The following EEF2K variants were observed in gnomAD, a reference collection of about 807,000 sequenced individuals.
The protein encoded by EEF2K is eukaryotic elongation factor 2 kinase.
EEF2K carries 70 observed loss-of-function variants against 93.8 expected under a neutral mutation model. That is an observed-to-expected ratio of 0.75 (90% CI 0.62 to 0.91). EEF2K has a LOEUF of 0.91. Among genes scored for constraint, EEF2K ranks in the 40% least tolerant of loss-of-function variants. The pLI is 0.00. For missense variants in EEF2K, 935 were observed against 972.9 expected (o/e 0.96, Z 0.52); for synonymous variants, 376 against 380.8 (o/e 0.99, Z 0.15).
At chr16:22,267,892 G>A (rs1440047053) in intron 15 of EEF2K, among the ~76,000 whole-genome samples, 1 of 152,180 alleles carries the variant, frequency 6.6e-6, no homozygotes, top group Non-Finnish European at 1.5e-5. Flanking sequence ...CAAGGCCCAG[G>A]CAAAGTGATC....
chr16:22,250,793 G>T (rs187237620), intron 5 of EEF2K, 102 bp downstream of exon 5: 2 of 1,475,804 alleles, frequency 1.4e-6, no homozygotes, highest in Non-Finnish European at 9.3e-7. Flanking sequence ...GGAGCCAGGG[G>T]CCTCTGCCTT....
At chr16:22,230,253 G>A (rs904987639) in intron 2 of EEF2K, among the ~76,000 whole-genome samples, 17 of 151,136 alleles carry the variant, frequency 1.1e-4, no homozygotes, top group South Asian at 2.1e-4. Flanking sequence ...TCACTCTGTC[G>A]CCCAGGCTGG....
chr16:22,220,934 G>C (rs1429476227), intron 1 of EEF2K, among the ~76,000 whole-genome samples: 1 of 152,222 alleles, frequency 6.6e-6, no homozygotes, highest in Non-Finnish European at 1.5e-5. Context: ...CCAGGGCAGA[G>C]TAGGCGCTGG....
chr16:22,262,424 C>G (rs559848114), intron 11 of EEF2K, among the ~76,000 whole-genome samples: 1 of 151,936 alleles, frequency 6.6e-6, no homozygotes, highest in South Asian at 2.1e-4. Context: ...ACAGGACAAT[C>G]ACTTCAGCTC....
chr16:22,247,766 T>C (rs1372821846), intron 3 of EEF2K, among the ~76,000 whole-genome samples: 1 of 152,196 alleles, frequency 6.6e-6, no homozygotes, highest in Admixed American at 6.5e-5. Flanking sequence ...ATAAAACTGG[T>C]TGTCCATGAC....
Position 22,266,692 on chromosome 16 carries a change from A to G in EEF2K, c.1580A>G (p.His527Arg), listed in dbSNP as rs1489602240. Residue 527 changes from histidine to arginine, a missense_variant, in exon 15 of 18, where the codon CAT (histidine) becomes CGT (arginine). Coordinates refer to ENST00000263026, the MANE Select transcript of EEF2K (RefSeq NM_013302.5). ...ACACCGTAGTCTGTGTGGCAGGTCCATCTGGCCATGGTGCGCTACCACGAG... is the reference window on the plus strand; with the variant it reads ...ACACCGTAGTCTGTGTGGCAGGTCCGTCTGGCCATGGTGCGCTACCACGAG... Reference protein sequence around the residue: ...KIGKSILGKVHLAMVRYHEGG... With the variant: ...KIGKSILGKVRLAMVRYHEGG... 3.1e-6 allele frequency: 5 copies of G among 1,607,240 alleles called. No homozygotes were observed. The highest frequency in any genetic ancestry group is 2.2e-5 in the East Asian group (1 of 44,828).
chr16:22,256,358 A>C (rs961271565), intron 6 of EEF2K, among the ~76,000 whole-genome samples: 19 of 152,082 alleles, frequency 1.2e-4, no homozygotes, highest in South Asian at 6.2e-4. Flanking sequence ...TTGGCCTCCC[A>C]AAGGGCTGGG....
chr16:22,219,516 C>A (rs1196620291), intron 1 of EEF2K, among the ~76,000 whole-genome samples: 4 of 152,126 alleles, frequency 2.6e-5, no homozygotes, highest in Non-Finnish European at 5.9e-5. Context: ...GTAGTCCCAG[C>A]TACTCAGGAG....
chr16:22,272,008 T>A (rs1019314429), intron 15 of EEF2K, among the ~76,000 whole-genome samples: 5 of 152,244 alleles, frequency 3.3e-5, no homozygotes, highest in Admixed American at 1.3e-4. Context: ...TTTGCTGTAC[T>A]CGTCACAATA....
At chr16:22,236,302 G>A (rs563514382) in intron 2 of EEF2K, among the ~76,000 whole-genome samples, 5 of 151,724 alleles carry the variant, frequency 3.3e-5, no homozygotes, top group Non-Finnish European at 7.4e-5. Context: ...TGCTCTGCAG[G>A]AGGGGAGAGT....
intron 1 of EEF2K, among the ~76,000 whole-genome samples, chr16:22,211,490 T>A (rs1410028640): frequency 2.0e-5 from 3 of 152,260 alleles, no homozygotes; most frequent in African/African-American, 7.2e-5. Context: ...GATAGAGTCT[T>A]GCCCTGCTGC....
At chr16:22,225,566 G>T in intron 1 of EEF2K, 88 bp from the exon 2 acceptor site, 1 of 1,090,674 alleles carries the variant, frequency 9.2e-7, no homozygotes. Flanking sequence ...CAGCTCCTGC[G>T]ATAGCCTGCA....
chr16:22,268,785 A>G (rs1007616154), intron 15 of EEF2K, among the ~76,000 whole-genome samples: 4 of 151,860 alleles, frequency 2.6e-5, no homozygotes, highest in Non-Finnish European at 5.9e-5. Context: ...GCAAAACCCT[A>G]TCTCTACCAA....
At chr16:22,269,976 G>C (rs1302125455) in intron 15 of EEF2K, among the ~76,000 whole-genome samples, 2 of 143,140 alleles carry the variant, frequency 1.4e-5, no homozygotes, top group Non-Finnish European at 3.0e-5. Context: ...TTTTTAATTT[G>C]AGACAGAATC....
chr16:22,247,268 C>T (rs1382290300), intron 3 of EEF2K, among the ~76,000 whole-genome samples: 1 of 151,268 alleles, frequency 6.6e-6, no homozygotes, highest in African/African-American at 2.4e-5. Context: ...TGGTGAAACT[C>T]CATCTCTACA....
chr16:22,257,763 A>G lies in EEF2K; in HGVS notation c.1022A>G (p.Lys341Arg). The part of the protein sequence containing the change: ...RERDAVNQNT[K>R]LLQSAKTILR... ...AGGGATGCAGTGAATCAGAACACCA[A>G]GCTGCTGGTGGGTGCCCAGTGTGAC... Residue 341 changes from lysine (K) to arginine (R), a missense_variant, in exon 9 of 18, where the codon AAG becomes AGG. Coordinates refer to ENST00000263026, the MANE Select transcript of EEF2K (RefSeq NM_013302.5). 3 of 1,613,706 alleles carry G rather than the reference A, an allele frequency of 1.9e-6. No individual in the cohort carries two copies. Among genetic ancestry groups the G allele is most frequent in the Non-Finnish European group, 2.5e-6 (3 of 1,179,970 alleles).
chr16:22,271,052 C>A (rs1472314942), intron 15 of EEF2K, among the ~76,000 whole-genome samples: 3 of 151,262 alleles, frequency 2.0e-5, no homozygotes, highest in Admixed American at 6.6e-5. Flanking sequence ...TCACTGCAAC[C>A]TCCGCCTCCC....
At chr16:22,228,923 A>G (rs1461606810) in intron 2 of EEF2K, among the ~76,000 whole-genome samples, 1 of 152,070 alleles carries the variant, frequency 6.6e-6, no homozygotes, top group Non-Finnish European at 1.5e-5. Flanking sequence ...CTTCTAAATA[A>G]CCTATACTTA....
chr16:22,236,244 C>T (rs2047166307), intron 2 of EEF2K, among the ~76,000 whole-genome samples: 1 of 152,132 alleles, frequency 6.6e-6, no homozygotes, highest in Admixed American at 6.6e-5. Context: ...TCCCCCACTT[C>T]TTCCCGCTTC....
Sources: allele counts gnomAD v4.1 joint callset (sites outside exome capture counted in the v4.1 genomes callset), GRCh38; gene constraint gnomAD v4.1.1; transcripts MANE v1.5; gene names NCBI Gene and HGNC (gene_info 2026-07-23, HGNC 2026-07-21).